The following ZNF208 variants were observed in gnomAD, a reference collection of about 807,000 sequenced individuals.
ZNF208 encodes zinc finger protein 95.
ZNF208 carries 10 observed loss-of-function variants against 12.1 expected under a neutral mutation model. The observed-to-expected ratio is 0.83, with a 90% CI of 0.51 to 1.40. The LOEUF (loss-of-function observed/expected upper bound fraction) is 1.40, where lower values mean the gene tolerates loss of function less well. Among genes scored for constraint, ZNF208 ranks in the 40% most tolerant of loss-of-function variants. The pLI is 0.00. For missense variants in ZNF208, 1,652 were observed against 1,485.0 expected, an observed-to-expected ratio of 1.11 and a Z score of -1.85; for synonymous variants, 497 against 488.4, an observed-to-expected ratio of 1.02 and a Z score of -0.23.
At chr19:21,974,855 T>C (rs761667075) in intron 3 of ZNF208, 48 bp from the exon 4 acceptor site, 2 of 1,465,038 alleles carry the variant, frequency 1.4e-6, no homozygotes, top group Non-Finnish European at 1.8e-6. Context: ...TAGACTCAGA[T>C]AAATACAGTT....
In ZNF208 at chr19:21,973,412, G is replaced by A; in HGVS notation, c.1622C>T (p.Thr541Ile). Residue 541 changes from threonine (T) to isoleucine (I), a missense_variant, in exon 4 of 4, where the codon ACT becomes ATT. Around this residue, in one of 3 missense-constraint regions of ZNF208, gnomAD observed 1,239 missense variants for 1,086.2 expected, o/e 1.14. Transcript: ENST00000397126. ...GKSFSTFSIL[T>I]KHKVIHTGEK... ...TCCAGTATGAATTACCTTATGTTTA[G>A]TAAGGATTGAGAATGTACTGAAGCT... The A allele has an allele frequency of 6.2e-7, 1 of 1,611,004 alleles. No individual in the cohort carries two copies. Among genetic ancestry groups the A allele is most frequent in the South Asian group, 1.1e-5 (1 of 90,972 alleles).
rs58769307 is a variant in ZNF208, at chr19:22,007,505, C to CAA, written c.3+3285_3+3286dup. The stretch of plus-strand genomic sequence containing the variant: ...TGGGGACAGAGCAAGACTCTGTCTC[C>CAA]AAAAAAAAAAAAAAAAAAAAAAAAA... On this transcript the variant is annotated intron_variant, in intron 1 of 3. Transcript: ENST00000397126. Among the ~76,000 whole-genome samples the CAA allele has an allele frequency of 4.4e-3, 278 of 62,530 alleles. 1 individual carries two copies. Among genetic ancestry groups the CAA allele is most frequent in the Middle Eastern group, 0.02 (1 of 50 alleles). 41.0% of individuals were successfully genotyped at this position (62,530 alleles called of 152,430 possible). A position where few individuals can be genotyped will look rare whatever the true frequency, so the allele number is the denominator to read the frequency against.
intron 1 of ZNF208, among the ~76,000 whole-genome samples, chr19:21,991,013 A>G (rs1195975172): frequency 6.6e-6 from 1 of 152,164 alleles, no homozygotes; most frequent in Non-Finnish European, 1.5e-5. Flanking sequence ...GGGCTGAGAC[A>G]ATGGAGTTTT....
At chr19:21,962,342 G>C (rs996495135), downstream of ZNF208, among the ~76,000 whole-genome samples, 12 of 151,988 alleles carry the variant, frequency 7.9e-5, no homozygotes, top group Admixed American at 2.6e-4. Context: ...TCTACAGAGA[G>C]GATAGTCAAC....
Position 21,966,426 on chromosome 19 carries a change from A to G in ZNF208, c.*4765T>C, listed in dbSNP as rs1970168039. ...GCAGAGCTGCATTCATGTTGCTGCA[A>G]AAGACGTTACTTCATTCTCTTCTGT... On this transcript the variant is annotated 3_prime_UTR_variant, in exon 4 of 4. Transcript: ENST00000397126. 6.6e-6 allele frequency: 1 copy of G among 152,252 alleles called. No homozygotes were observed. The highest frequency in any genetic ancestry group is 2.4e-5 in the African/African-American group (1 of 41,558). 9.4% of individuals were successfully genotyped at this position (152,252 alleles called of 1,614,324 possible). A position where few individuals can be genotyped will look rare whatever the true frequency, so the allele number is the denominator to read the frequency against.
intron 1 of ZNF208, among the ~76,000 whole-genome samples, chr19:21,993,844 AAGC>A (rs1276926241): frequency 2.0e-5 from 3 of 152,196 alleles, no homozygotes; most frequent in Non-Finnish European, 2.9e-5. Context: ...GGAAAAAAAA[AAGC>A]AGCAATTTCT....
At chr19:21,955,324 A>G (rs1969955744) in intron 4 of ZNF208, among the ~76,000 whole-genome samples, 2 of 152,086 alleles carry the variant, frequency 1.3e-5, no homozygotes. Context: ...GCTCTTCTTG[A>G]GGAGTATCTT....
At chr19:21,981,101 G>A (rs1182059135) in intron 3 of ZNF208, among the ~76,000 whole-genome samples, 2 of 152,056 alleles carry the variant, frequency 1.3e-5, no homozygotes, top group African/African-American at 4.8e-5. Context: ...TCCAGGACCC[G>A]ATGGATTCAC....
chr19:21,974,486 C>T lies in ZNF208; in HGVS notation c.548G>A (p.Cys183Tyr). 3 of 1,613,688 alleles carry T rather than the reference C, an allele frequency of 1.9e-6. No homozygotes were observed. The highest frequency in any genetic ancestry group is 2.5e-6 in the Non-Finnish European group (3 of 1,179,738). Residue 183 changes from cysteine (C) to tyrosine (Y), a missense_variant, in exon 4 of 4, where the codon TGC becomes TAC. Physicochemically the swap from Cys to Tyr is radical, Grantham distance 194. This residue lies in a region of ZNF208 where 410 missense variants were observed against 378.2 expected (regional missense o/e 1.08). Coordinates refer to ENST00000397126, the MANE Select transcript of ZNF208 (RefSeq NM_007153.3). ...LQCKEYVRSFCMLSHLSQHKR... is the reference protein window; with the variant it reads ...LQCKEYVRSFYMLSHLSQHKR... ...ATGTTGAGATAGGTGTGAAAGCATG[C>T]AAAATGATCTGACGTATTCTTTACA...
At chr19:21,963,335 A>C, downstream of ZNF208, among the ~76,000 whole-genome samples, 1 of 152,070 alleles carries the variant, frequency 6.6e-6, no homozygotes, top group East Asian at 1.9e-4. Flanking sequence ...AATTTTTATG[A>C]ATCTAAATTG....
intron 3 of ZNF208, among the ~76,000 whole-genome samples, chr19:21,980,141 T>C (rs1970509484): frequency 6.6e-6 from 1 of 151,430 alleles, no homozygotes; most frequent in Non-Finnish European, 1.5e-5. Flanking sequence ...GACTTTAATA[T>C]CCCAGTGTCA....
chr19:22,010,428 G>A (rs1971125153), intron 1 of ZNF208, among the ~76,000 whole-genome samples: 1 of 152,170 alleles, frequency 6.6e-6, no homozygotes, highest in Admixed American at 6.5e-5. Context: ...GGAACTGGGA[G>A]CCTCACGGAC....
intron 1 of ZNF208, among the ~76,000 whole-genome samples, chr19:22,004,602 G>T (rs1251910572): frequency 1.3e-5 from 2 of 152,070 alleles, no homozygotes; most frequent in South Asian, 4.1e-4. Context: ...AAAAAAACAA[G>T]ATTATGTCCT....
Position 21,974,737 on chromosome 19 carries a change from T to C in ZNF208, c.297A>G (p.Ile99Met), listed in dbSNP as rs1420243583. The change falls in exon 4 of 4, where the codon ATA becomes ATG. Residue 99 changes from isoleucine to methionine, a missense_variant. This residue lies in a region of ZNF208 where 410 missense variants were observed against 378.2 expected (regional missense o/e 1.08). Transcript: ENST00000397126. ...QGIEDSFQKV[I>M]LRRYEKCGHE... ...GTCCACATTTTTCATACCTTCTCAA[T>C]ATCACTTTTTGGAAAGAATCTTCTA... 1.2e-6 allele frequency: 2 copies of C among 1,611,780 alleles called. No individual in the cohort carries two copies. Among genetic ancestry groups the C allele is most frequent in the Non-Finnish European group, 1.7e-6 (2 of 1,179,056 alleles).
At chr19:22,003,228 T>C (rs1970985140) in intron 1 of ZNF208, among the ~76,000 whole-genome samples, 3 of 152,202 alleles carry the variant, frequency 2.0e-5, no homozygotes, top group South Asian at 4.1e-4. Context: ...AAGGATATAT[T>C]TTAAAAAACC....
intron 4 of ZNF208, among the ~76,000 whole-genome samples, chr19:21,956,221 G>T (rs887666522): frequency 4.6e-5 from 7 of 152,172 alleles, no homozygotes; most frequent in Non-Finnish European, 8.8e-5. Flanking sequence ...GGGGCACCCG[G>T]CTGTATGAGG....
chr19:21,978,901 A>G (rs994020352), intron 3 of ZNF208, among the ~76,000 whole-genome samples: 1 of 152,244 alleles, frequency 6.6e-6, no homozygotes, highest in Non-Finnish European at 1.5e-5. Flanking sequence ...ATGGAGATGA[A>G]AAACACACCA....
intron 3 of ZNF208, among the ~76,000 whole-genome samples, chr19:21,982,274 C>G (rs972129875): frequency 6.8e-6 from 1 of 147,800 alleles, no homozygotes; most frequent in East Asian, 2.0e-4. Flanking sequence ...AGGAGAATGG[C>G]GTGAACCTGG....
rs1335454432 is a variant in ZNF208, at chr19:21,968,014, G to T, written c.*3177C>A. The T allele has an allele frequency of 6.6e-6, 1 of 152,052 alleles. No individual in the cohort carries two copies. The highest frequency in any genetic ancestry group is 1.5e-5 in the Non-Finnish European group (1 of 68,002). 9.4% of individuals were successfully genotyped at this position (152,052 alleles called of 1,614,324 possible). A position where few individuals can be genotyped will look rare whatever the true frequency, so the allele number is the denominator to read the frequency against. On this transcript the variant is annotated 3_prime_UTR_variant, in exon 4 of 4. Coordinates refer to ENST00000397126, the MANE Select transcript of ZNF208 (RefSeq NM_007153.3). Reference sequence around the variant, plus strand: ...TGTGTTTGTTGCTATTGTAAATAGAGCTGTGTTTTTTATTTTGTTCTCAGT... The same window carrying T: ...TGTGTTTGTTGCTATTGTAAATAGATCTGTGTTTTTTATTTTGTTCTCAGT...
Sources: gnomAD v4.1 joint callset for allele counts (sites outside exome capture counted in the v4.1 genomes callset) on GRCh38, gnomAD v4.1.1 for gene constraint, gnomAD v4.1.1 regional missense constraint, MANE v1.5 for transcripts, NCBI Gene and HGNC (gene_info 2026-07-23, HGNC 2026-07-21) for gene names.